Variants in MRTO4 observed in about 807,000 individuals in gnomAD.
MRTO4 encodes MRT4 homolog, ribosome maturation factor, also known as mRNA turnover protein 4 homolog.
In MRTO4, 7 loss-of-function variants were observed where a neutral mutation model predicts 28.6. The observed-to-expected ratio is 0.24, with a 90% confidence interval of 0.14 to 0.46. MRTO4 has a LOEUF of 0.46. Among genes scored for constraint, MRTO4 ranks in the 20% least tolerant of loss-of-function variants. The pLI, the probability that MRTO4 is intolerant of heterozygous loss-of-function variation, is 0.99. For missense variants in MRTO4, 302 were observed against 298.3 expected, an observed-to-expected ratio of 1.01 and a Z score of -0.09; for synonymous variants, 113 against 108.2, an observed-to-expected ratio of 1.04 and a Z score of -0.27.
intron 6 of MRTO4, among the ~76,000 whole-genome samples, chr1:19,258,217 A>G (rs1290980990): frequency 6.6e-6 from 1 of 151,766 alleles, no homozygotes; most frequent in East Asian, 1.9e-4. Flanking sequence ...AAAAAAAAAA[A>G]GTCAAAAAAT....
At chr1:19,256,750 G>A (rs2093672026) in intron 3 of MRTO4, among the ~76,000 whole-genome samples, 1 of 152,226 alleles carries the variant, frequency 6.6e-6, no homozygotes, top group African/African-American at 2.4e-5. Flanking sequence ...TGGCTCTGGT[G>A]GTGGTCTCTT....
At chr1:19,257,665 C>T in intron 5 of MRTO4, 144 bp downstream of exon 5, 1 of 1,347,970 alleles carries the variant, frequency 7.4e-7, no homozygotes, top group Non-Finnish European at 1.0e-6. Flanking sequence ...CCTGGGACCA[C>T]AGCCCTCTCT....
At chr1:19,252,034 C>T (rs1434411418) in intron 1 of MRTO4, 171 bp downstream of exon 1, 16 of 976,440 alleles carry the variant, frequency 1.6e-5, no homozygotes, top group Admixed American at 8.6e-5. Context: ...GTAAAACCGC[C>T]AGAGGTGGCT....
At position 19,258,029 on chromosome 1, in the gene MRTO4, G is replaced by A. The variant is rs192381030; in HGVS notation, c.493+45G>A. 59 of 1,595,990 alleles carry A rather than the reference G, an allele frequency of 3.7e-5. 1 individual carries two copies. The African/African-American group carries it at 6.3e-4, about 17-fold the overall frequency. ...CAAAAGGTCACAGCCTAGAGTCCAA[G>A]AGCACGGGCCTGCAAGCTCATCCCT... On this transcript the variant is annotated intron_variant, in intron 6 of 7. Transcript: ENST00000330263.
intron 3 of MRTO4, 87 bp downstream of exon 3, chr1:19,256,138 T>G (rs571493502): frequency 1.5e-5 from 17 of 1,139,038 alleles, no homozygotes; most frequent in Non-Finnish European, 2.2e-5. Flanking sequence ...TTTCTGACCC[T>G]TTAGGTGCCT....
Position 19,257,103 on chromosome 1 carries a change from G to C in MRTO4, c.231G>C (p.Leu77Phe), listed in dbSNP as rs746907275. Residue 77 changes from leucine (L) to phenylalanine (F), a missense_variant, in exon 4 of 8, where the codon TTG becomes TTC. Physicochemically the swap from Leu to Phe is conservative, Grantham distance 22 (BLOSUM62 0). Transcript: ENST00000330263. ...FGKNKVMMVA[L>F]GRSPSDEYKD... ...AAAACAAGGTGATGATGGTGGCCTT[G>C]GGTCGGAGCCCATCTGATGAATACA... The C allele has an allele frequency of 2.7e-5, 43 of 1,614,022 alleles. No homozygotes were observed. Among genetic ancestry groups the C allele is most frequent in the Non-Finnish European group, 2.9e-5 (34 of 1,180,028 alleles).
intron 4 of MRTO4, 143 bp from the exon 5 acceptor site, chr1:19,257,311 C>G: frequency 8.6e-7 from 1 of 1,168,338 alleles, no homozygotes; most frequent in South Asian, 1.3e-5. Flanking sequence ...CAAGGAATAG[C>G]AGCTTCCTGC....
intron 4 of MRTO4, 39 bp downstream of exon 4, chr1:19,257,184 G>A (rs1420271347): frequency 6.3e-7 from 1 of 1,598,178 alleles, no homozygotes; most frequent in Non-Finnish European, 8.6e-7. Flanking sequence ...CTAAGGCAAA[G>A]CCGCCCTCTC....
At position 19,258,661 on chromosome 1, in the gene MRTO4, G is replaced by T; in HGVS notation, c.571-20G>T. Reference sequence around the variant, plus strand: ...ATACCTTCATTCCTCCTGATTCTTTGTTCCCTTTGTCTCTTGCAGAAGCTT... The same window carrying T: ...ATACCTTCATTCCTCCTGATTCTTTTTTCCCTTTGTCTCTTGCAGAAGCTT... On this transcript the variant is annotated intron_variant, in intron 7 of 7. Transcript: ENST00000330263. The T allele has an allele frequency of 6.2e-7, 1 of 1,614,082 alleles. No homozygotes were observed. The highest frequency in any genetic ancestry group is 1.3e-5 in the African/African-American group (1 of 75,028).
At chr1:19,257,747 G>A (rs2093673642) in intron 5 of MRTO4, 86 bp from the exon 6 acceptor site, 11 of 1,549,064 alleles carry the variant, frequency 7.1e-6, no homozygotes, top group Admixed American at 1.7e-5. Context: ...GAAGGCCCAG[G>A]GCCACGGGAC....
chr1:19,255,856 G>A (rs2093670639), intron 2 of MRTO4, 92 bp from the exon 3 acceptor site: 1 of 1,045,668 alleles, frequency 9.6e-7, no homozygotes, highest in African/African-American at 1.6e-5. Context: ...TAGTTGTCAG[G>A]GGCCCAGAGC....
intron 2 of MRTO4, among the ~76,000 whole-genome samples, chr1:19,255,617 A>C (rs1237212966): frequency 1.3e-5 from 2 of 152,132 alleles, no homozygotes; most frequent in Non-Finnish European, 2.9e-5. Context: ...CTTATAACAG[A>C]GAGGCTCCAT....
chr1:19,257,758 A>C (rs1485349525), intron 5 of MRTO4, 75 bp from the exon 6 acceptor site: 17 of 1,567,992 alleles, frequency 1.1e-5, no homozygotes, highest in Non-Finnish European at 1.4e-5. Context: ...GCCACGGGAC[A>C]CTTGGGGGAG....
At chr1:19,251,891 G>A (rs17522898) in intron 1 of MRTO4, 28 bp downstream of exon 1, 2 of 1,586,132 alleles carry the variant, frequency 1.3e-6, no homozygotes, top group South Asian at 1.1e-5. Context: ...CGGGACCCTG[G>A]GGGGAGCTCC....
Position 19,258,998 on chromosome 1 carries a change from C to T in MRTO4, c.*168C>T, listed in dbSNP as rs1009064455. Reference sequence around the variant, plus strand: ...AAACTGTGGGCCGGGCGCGGTGGCTCACGCCTGGAATCCCAGCACTTTGGG... The same window carrying T: ...AAACTGTGGGCCGGGCGCGGTGGCTTACGCCTGGAATCCCAGCACTTTGGG... On this transcript the variant is annotated 3_prime_UTR_variant, in exon 8 of 8. Coordinates refer to ENST00000330263, the MANE Select transcript of MRTO4 (RefSeq NM_016183.4). The T allele has an allele frequency of 2.4e-6, 2 of 841,200 alleles. No homozygotes were observed. Among genetic ancestry groups the T allele is most frequent in the African/African-American group, 3.4e-5 (2 of 58,148 alleles). The allele number at this position is 841,200 out of a possible 1,614,324, so 52.1% of individuals were successfully genotyped here.
At position 19,257,923 on chromosome 1, in the gene MRTO4, G is replaced by A. The variant is rs374399763; in HGVS notation, c.432G>A (p.Gln144=). 4.3e-6 allele frequency: 7 copies of A among 1,613,988 alleles called. No individual in the cohort carries two copies. The African/African-American group carries it at 8.0e-5, about 18-fold the overall frequency. ...GCCTGGATCCAGGGCCCCTGGAGCA[G>A]TTCCCCCACTCCATGGAGCCACAGC... ...TVSLDPGPLE[Q]FPHSMEPQLR... The change falls in exon 6 of 8, where the codon CAG becomes CAA. Residue 144 remains glutamine (Q), a synonymous_variant. Coordinates refer to ENST00000330263, the MANE Select transcript of MRTO4 (RefSeq NM_016183.4).
chr1:19,257,895 T>G lies in MRTO4; in HGVS notation c.404T>G (p.Val135Gly). The G allele has an allele frequency of 6.2e-7, 1 of 1,614,128 alleles. No individual in the cohort carries two copies. Among genetic ancestry groups the G allele is most frequent in the Non-Finnish European group, 8.5e-7 (1 of 1,180,034 alleles). Residue 135 changes from valine (V) to glycine (G), a missense_variant, in exon 6 of 8, where the codon GTG (valine) becomes GGG (glycine). Val to Gly is a moderately radical substitution (Grantham distance 109, BLOSUM62 -3). Transcript: ENST00000330263. ...GCTGGTAACAAAGCAGCTTTCACTG[T>G]GAGCCTGGATCCAGGGCCCCTGGAG... ...ARAGNKAAFTVSLDPGPLEQF... is the reference protein window; with the variant it reads ...ARAGNKAAFTGSLDPGPLEQF...
At chr1:19,256,359 T>TA (rs2093671446) in intron 3 of MRTO4, among the ~76,000 whole-genome samples, 1 of 151,918 alleles carries the variant, frequency 6.6e-6, no homozygotes, top group East Asian at 1.9e-4. Context: ...CTACTGAAAA[T>TA]ACAAAAATTA....
Position 19,251,816 on chromosome 1 carries a change from C to T in MRTO4, c.-20C>T. 1 of 1,568,062 alleles carries T rather than the reference C, an allele frequency of 6.4e-7. No individual in the cohort carries two copies. The highest frequency in any genetic ancestry group is 8.6e-7 in the Non-Finnish European group (1 of 1,157,588). ...TCCTAACGGGGTGCACCGTCTTCCG[C>T]CGCACGTGGATTCAGCGCGATGCCC... On this transcript the variant is annotated 5_prime_UTR_variant, in exon 1 of 8. Coordinates refer to ENST00000330263, the MANE Select transcript of MRTO4 (RefSeq NM_016183.4).
Sources: gnomAD v4.1 joint callset for allele counts (sites outside exome capture counted in the v4.1 genomes callset) on GRCh38, gnomAD v4.1.1 for gene constraint, MANE v1.5 for transcripts, NCBI Gene and HGNC (gene_info 2026-07-23, HGNC 2026-07-21) for gene names.